GATA2: variants seen among roughly 807,000 people sequenced by gnomAD.
GATA2 encodes endothelial transcription factor GATA-2.
GATA2 carries 6 observed loss-of-function variants against 35.7 expected under a neutral mutation model. The observed-to-expected ratio is 0.17, with a 90% CI of 0.09 to 0.33. The LOEUF (loss-of-function observed/expected upper bound fraction) is 0.33. GATA2 is among the 10% of genes least tolerant of loss of function. The pLI is 1.00. For missense variants in GATA2, 541 were observed against 656.6 expected (o/e 0.82, Z 1.92); for synonymous variants, 313 against 274.9 (o/e 1.14, Z -1.37).
Position 128,486,184 on chromosome 3 carries a change from G to A in GATA2, c.414C>T (p.Leu138=), listed in dbSNP as rs1194339909. 2 of 1,564,288 alleles carry A rather than the reference G, an allele frequency of 1.3e-6. No homozygotes were observed. Among genetic ancestry groups the A allele is most frequent in the Admixed American group, 1.9e-5 (1 of 51,876 alleles). ...CACCCCCAGCCCCTGGGTACACAGA[G>A]AGTGGGCCTCCAGGGCCTCCAGCAG... ...PSAAGGPGGP[L]SVYPGAGGGS... is the part of the protein sequence containing the mutation. The change falls in exon 3 of 6, where the codon CTC becomes CTT. Residue 138 remains leucine (L), a synonymous_variant. Coordinates refer to ENST00000341105, the MANE Select transcript of GATA2 (RefSeq NM_032638.5).
At chr3:128,489,508 C>G (rs1389767826) in intron 1 of GATA2, 1 of 152,512 alleles carries the variant, frequency 6.6e-6, no homozygotes, top group Non-Finnish European at 1.5e-5. Context: ...GAGCCGCCTG[C>G]TAAGCCTCCC....
chr3:128,489,581 G>A (rs1170771183), intron 1 of GATA2: 3 of 152,104 alleles, frequency 2.0e-5, no homozygotes, highest in Non-Finnish European at 4.4e-5. Context: ...TGCGGGAGCG[G>A]AGGCCGGCGC....
At position 128,491,218 on chromosome 3, in the gene GATA2, C is replaced by A. The variant is rs1055489411; in HGVS notation, c.-46+1681G>T. ...CTCCCCGGCCGTCCAGCCCCCCCCC[C>A]CCTCTGAGCCCTTTGTTTAAAGTTA... is the stretch of plus-strand genomic sequence containing the variant. On this transcript the variant is annotated intron_variant, in intron 1 of 5. Transcript: ENST00000341105. Among the ~76,000 whole-genome samples the A allele has an allele frequency of 8.0e-4, 102 of 128,028 alleles. 7 individuals are homozygous for A. The highest frequency in any genetic ancestry group is 1.2e-3 in the Non-Finnish European group (70 of 58,522). The allele number at this position is 128,028 out of a possible 152,430, so 84.0% of individuals were successfully genotyped here. A position where few individuals can be genotyped will look rare whatever the true frequency, so the allele number is the denominator to read the frequency against.
rs1170563192 is a variant in GATA2, at chr3:128,486,299, C to A, written c.299G>T (p.Gly100Val). ...LHSPGLPWLD[G>V]GKAALSAAAA... is the part of the protein sequence containing the mutation. ...AGCGGCAGAGAGGGCTGCTTTGCCC[C>A]CGTCCAGCCAGGGCAAACCCGGGCT... Residue 100 changes from glycine to valine, a missense_variant, in exon 3 of 6, where the codon GGG (glycine) becomes GTG (valine). This residue lies in a region of GATA2 where 389 missense variants were observed against 396.9 expected (regional missense o/e 0.98). Transcript: ENST00000341105. The A allele has an allele frequency of 3.1e-6, 5 of 1,590,350 alleles. No individual in the cohort carries two copies. The highest frequency in any genetic ancestry group is 3.4e-6 in the Non-Finnish European group (4 of 1,170,972).
chr3:128,489,695 T>C (rs1252270901), intron 1 of GATA2: 1 of 152,164 alleles, frequency 6.6e-6, no homozygotes, highest in Non-Finnish European at 1.5e-5. Context: ...TGCCTCCCGG[T>C]TGGCGTTCCC....
chr3:128,481,769 C>A, intron 5 of GATA2, 50 bp downstream of exon 5: 4 of 1,589,424 alleles, frequency 2.5e-6, no homozygotes, highest in Non-Finnish European at 1.7e-6. Flanking sequence ...CAGCACAAAG[C>A]GCAGAGGTCC....
rs1426636606 is a variant in GATA2, at chr3:128,486,350, T to C, written c.248A>G (p.Gln83Arg). 6.2e-7 allele frequency: 1 copy of C among 1,602,014 alleles called. No individual in the cohort carries two copies. Among genetic ancestry groups the C allele is most frequent in the Non-Finnish European group, 8.5e-7 (1 of 1,177,822 alleles). ...GTGCAACAAGTGTGGGCGGCACATC[T>C]GGCCTCCGGTCAGGCGGGCTGCGGG... is the stretch of plus-strand genomic sequence containing the variant. ...SPAHARLTGG[Q>R]MCRPHLLHSP... Residue 83 changes from glutamine to arginine, a missense_variant, in exon 3 of 6, where the codon CAG becomes CGG. Physicochemically the swap from Gln to Arg is conservative, Grantham distance 43. Transcript: ENST00000341105.
chr3:128,482,720 A>G (rs1223283766), intron 4 of GATA2, among the ~76,000 whole-genome samples: 4 of 152,096 alleles, frequency 2.6e-5, no homozygotes, highest in Non-Finnish European at 5.9e-5. Flanking sequence ...CCCTCAGGAA[A>G]TGCCTGGCAG....
intron 3 of GATA2, among the ~76,000 whole-genome samples, chr3:128,484,410 C>T (rs1248015509): frequency 2.0e-5 from 3 of 152,096 alleles, no homozygotes; most frequent in Admixed American, 6.5e-5. Context: ...TCTGGCGCGT[C>T]TCTCCCCCTC....
chr3:128,481,807 G>A lies in GATA2; in HGVS notation c.1143+12C>T, dbSNP rs572816560. On this transcript the variant is annotated intron_variant, in intron 5 of 5. Coordinates refer to ENST00000341105, the MANE Select transcript of GATA2 (RefSeq NM_032638.5). ...TGGGAGGGGCGGGGTGGCCGGGGCG[G>A]GGCGCACTCACATTGTGCAGCTTGT... The A allele has an allele frequency of 1.4e-5, 23 of 1,611,264 alleles. No individual in the cohort carries two copies. In the South Asian group the frequency reaches 2.4e-4, roughly 17 times the overall value.
At chr3:128,492,644 C>A (rs960901757) in intron 1 of GATA2, among the ~76,000 whole-genome samples, 5 of 152,110 alleles carry the variant, frequency 3.3e-5, no homozygotes, top group Non-Finnish European at 5.9e-5. Context: ...TCTGGGAATG[C>A]CAGGGTCTCG....
chr3:128,486,389 G>A (rs1317572114), intron 2 of GATA2, 21 bp from the exon 3 acceptor site: 1 of 1,591,828 alleles, frequency 6.3e-7, no homozygotes, highest in Admixed American at 1.7e-5. Flanking sequence ...AGAGAGAGAG[G>A]ATCAGGGTGG....
intron 2 of GATA2, 105 bp from the exon 3 acceptor site, chr3:128,486,473 G>A (rs183224253): frequency 1.1e-5 from 15 of 1,385,464 alleles, no homozygotes; most frequent in Non-Finnish European, 1.5e-5. Context: ...AGAACCAGCA[G>A]TCATCCCCTC....
At chr3:128,485,620 C>A (rs950279454) in intron 3 of GATA2, 107 bp downstream of exon 3, 32 of 1,357,898 alleles carry the variant, frequency 2.4e-5, no homozygotes, top group Non-Finnish European at 2.9e-5. Context: ...CATCACCCAT[C>A]CCCAGATCTG....
chr3:128,491,843 T>C (rs1035142728), intron 1 of GATA2, among the ~76,000 whole-genome samples: 2 of 152,236 alleles, frequency 1.3e-5, no homozygotes, highest in African/African-American at 4.8e-5. Flanking sequence ...AATCGGGCCG[T>C]GCTTCTCCCT....
chr3:128,491,219 C>T lies in GATA2; in HGVS notation c.-46+1680G>A, dbSNP rs4131328. Among the ~76,000 whole-genome samples the T allele has an allele frequency of 1.8e-4, 16 of 88,454 alleles. 1 individual carries two copies. Among genetic ancestry groups the T allele is most frequent in the African/African-American group, 3.4e-4 (7 of 20,726 alleles). 58.0% of individuals were successfully genotyped at this position (88,454 alleles called of 152,430 possible). A position where few individuals can be genotyped will look rare whatever the true frequency, so the allele number is the denominator to read the frequency against. Reference sequence around the variant, plus strand: ...TCCCCGGCCGTCCAGCCCCCCCCCCCCTCTGAGCCCTTTGTTTAAAGTTAG... The same window carrying T: ...TCCCCGGCCGTCCAGCCCCCCCCCCTCTCTGAGCCCTTTGTTTAAAGTTAG... On this transcript the variant is annotated intron_variant, in intron 1 of 5. Transcript: ENST00000341105.
At chr3:128,481,575 C>T (rs138733932) in intron 5 of GATA2, among the ~76,000 whole-genome samples, 29 of 152,354 alleles carry the variant, frequency 1.9e-4, no homozygotes, top group African/African-American at 6.0e-4. Flanking sequence ...AGTCCTCCCC[C>T]CCACCCTGAC....
intron 1 of GATA2, chr3:128,487,681 C>A (rs1409446918): frequency 6.5e-6 from 1 of 152,676 alleles, no homozygotes; most frequent in Non-Finnish European, 1.5e-5. Flanking sequence ...CGCCCCAGGC[C>A]CCCAGCCGGC....
rs1334342032 is a variant in GATA2 at position 128,488,914 on chromosome 3, G to A, written c.-45-1838C>T. On this transcript the variant is annotated intron_variant, in intron 1 of 5. Transcript: ENST00000341105. The surrounding 1 kb of genome is among the most constrained non-coding windows in gnomAD (Gnocchi z 5.8). ...AGGGAGCCCCGGGCCGAGGAGGGAG[G>A]TCCAGGACAAAGGCATTTTGGGGGA... Among the ~76,000 whole-genome samples, 2 of 152,204 alleles carry A rather than the reference G, an allele frequency of 1.3e-5. No individual in the cohort carries two copies. The highest frequency in any genetic ancestry group is 2.9e-5 in the Non-Finnish European group (2 of 68,026).
Sources: gnomAD v4.1 joint callset for allele counts (sites outside exome capture counted in the v4.1 genomes callset) on GRCh38, gnomAD v4.1.1 for gene constraint, gnomAD v4.1.1 regional missense constraint, Gnocchi (gnomAD v3.1) non-coding constraint, MANE v1.5 for transcripts, NCBI Gene and HGNC (gene_info 2026-07-23, HGNC 2026-07-21) for gene names.